Variants in CADPS2 observed in about 807,000 individuals in gnomAD.
CADPS2 encodes calcium dependent secretion activator 2.
CADPS2 carries 93 observed loss-of-function variants against 172.5 expected under a neutral mutation model. That is an observed-to-expected ratio of 0.54 (90% CI 0.46 to 0.64). The LOEUF (loss-of-function observed/expected upper bound fraction) is 0.64. Among genes scored for constraint, CADPS2 ranks in the 30% least tolerant of loss-of-function variants. The probability of loss-of-function intolerance (pLI) is 0.00; values close to 1 mark genes in which losing one functional copy is unlikely to be tolerated. For synonymous variants in CADPS2, 546 were observed against 555.2 expected (o/e 0.98, Z 0.23); for missense variants, 1,420 against 1,565.9 (o/e 0.91, Z 1.57).
intron 1 of CADPS2, among the ~76,000 whole-genome samples, chr7:122,849,415 A>G (rs1025412970): frequency 6.6e-6 from 1 of 152,170 alleles, no homozygotes; most frequent in Non-Finnish European, 1.5e-5. Flanking sequence ...AAGCTTGGTT[A>G]TTTGTACTCA....
intron 8 of CADPS2, among the ~76,000 whole-genome samples, chr7:122,541,940 A>G (rs2131637702): frequency 6.9e-6 from 1 of 144,246 alleles, no homozygotes; most frequent in South Asian, 2.1e-4. Context: ...GCAACAGAAG[A>G]ATATCTAAAA....
At chr7:122,866,753 A>T (rs1431979322) in intron 1 of CADPS2, among the ~76,000 whole-genome samples, 1 of 152,190 alleles carries the variant, frequency 6.6e-6, no homozygotes, top group East Asian at 1.9e-4. Context: ...GGCACTGTCT[A>T]TTCTCAGATC....
chr7:122,697,674 A>T, intron 2 of CADPS2: 1 of 811,946 alleles, frequency 1.2e-6, no homozygotes, highest in Non-Finnish European at 1.9e-6. Context: ...GTATAAAATT[A>T]CTGAAGTAAC....
At chr7:122,591,826 A>G (rs947135486) in intron 6 of CADPS2, among the ~76,000 whole-genome samples, 1 of 152,200 alleles carries the variant, frequency 6.6e-6, no homozygotes, top group African/African-American at 2.4e-5. Context: ...CACCTTATAC[A>G]AAAATTAACT....
Position 122,447,543 on chromosome 7 carries a change from A to ATTTTTTTT in CADPS2, c.2288+3823_2288+3830dup, listed in dbSNP as rs1159112244. ...CCATGTTGATTTCTTGTTTCGGGGA[A>ATTTTTTTT]TTTTTTTTTTTTTTTTTTTTTTTTT... On this transcript the variant is annotated intron_variant, in intron 15 of 29. Coordinates refer to ENST00000449022, the MANE Select transcript of CADPS2 (RefSeq NM_017954.11). Among the ~76,000 whole-genome samples the ATTTTTTTT allele has an allele frequency of 2.7e-3, 243 of 89,784 alleles. 39 individuals carry two copies. The highest frequency in any genetic ancestry group is 5.6e-3 in the South Asian group (12 of 2,132). 58.9% of individuals were successfully genotyped at this position (89,784 alleles called of 152,430 possible).
At chr7:122,689,911 G>C (rs1013063546) in intron 2 of CADPS2, among the ~76,000 whole-genome samples, 2 of 152,142 alleles carry the variant, frequency 1.3e-5, no homozygotes. Flanking sequence ...GTCAGCCAGG[G>C]GGCAGGCTTG....
chr7:122,514,713 AT>A (rs1485460582), intron 8 of CADPS2, among the ~76,000 whole-genome samples: 1 of 152,190 alleles, frequency 6.6e-6, no homozygotes, highest in Non-Finnish European at 1.5e-5. Flanking sequence ...TGTTGTTTAT[AT>A]TATTGGAAAC....
At chr7:122,718,774 A>C (rs1481900591) in intron 2 of CADPS2, among the ~76,000 whole-genome samples, 1 of 152,132 alleles carries the variant, frequency 6.6e-6, no homozygotes, top group Non-Finnish European at 1.5e-5. Flanking sequence ...TAGAGGACCA[A>C]GTTGTGAGCT....
intron 1 of CADPS2, among the ~76,000 whole-genome samples, chr7:122,769,006 A>C (rs1019508231): frequency 9.9e-5 from 15 of 152,094 alleles, no homozygotes; most frequent in African/African-American, 2.9e-4. Context: ...ATATTTCTAG[A>C]TCACAACAAG....
In CADPS2 at chr7:122,761,996, C is replaced by CAAA. The variant is rs1163039605; in HGVS notation, c.340-24931_340-24929dup. Reference sequence around the variant, plus strand: ...CTGGGTGAAAAGTGAGACTCTGCCTCAAAAAAAAAAAAAAAAAATATATAT... The same window carrying CAAA: ...CTGGGTGAAAAGTGAGACTCTGCCTCAAAAAAAAAAAAAAAAAAAAATATATAT... On this transcript the variant is annotated intron_variant, in intron 1 of 29. Coordinates refer to ENST00000449022, the MANE Select transcript of CADPS2 (RefSeq NM_017954.11). 2.8e-3 allele frequency among the ~76,000 whole-genome samples: 191 copies of CAAA among 67,516 alleles called. 3 individuals carry two copies. The highest frequency in any genetic ancestry group is 9.9e-3 in the African/African-American group (180 of 18,168). The allele number at this position is 67,516 out of a possible 152,430, so 44.3% of individuals were successfully genotyped here. A position where few individuals can be genotyped will look rare whatever the true frequency, so the allele number is the denominator to read the frequency against.
intron 3 of CADPS2, among the ~76,000 whole-genome samples, chr7:122,638,901 G>A (rs919033747): frequency 1.3e-5 from 2 of 152,188 alleles, no homozygotes; most frequent in African/African-American, 2.4e-5. Context: ...GAGAGTCCAT[G>A]TTTACTCGTC....
At chr7:122,486,265 A>T (rs2057804056) in intron 11 of CADPS2, among the ~76,000 whole-genome samples, 1 of 152,232 alleles carries the variant, frequency 6.6e-6, no homozygotes, top group Non-Finnish European at 1.5e-5. Flanking sequence ...GGAAAAGTAA[A>T]TTGAAAACCT....
At chr7:122,756,781 T>C (rs1309516995) in intron 1 of CADPS2, among the ~76,000 whole-genome samples, 1 of 151,786 alleles carries the variant, frequency 6.6e-6, no homozygotes, top group Non-Finnish European at 1.5e-5. Flanking sequence ...GCACCTGTAA[T>C]CCCAGCTACT....
intron 3 of CADPS2, among the ~76,000 whole-genome samples, chr7:122,645,461 ATGTG>A (rs1442873118): frequency 2.8e-4 from 19 of 69,046 alleles, no homozygotes; most frequent in Non-Finnish European, 4.9e-4. Flanking sequence ...ATATGTATAT[ATGTG>A]TATATATGTA....
chr7:122,717,649 C>T (rs1024937030), intron 2 of CADPS2, among the ~76,000 whole-genome samples: 15 of 152,082 alleles, frequency 9.9e-5, no homozygotes, highest in African/African-American at 2.9e-4. Flanking sequence ...CTGCAGCAAC[C>T]GAAATCTTTC....
rs148387300 is a variant in CADPS2, at chr7:122,863,970, C to T, written c.339+22029G>A. 7.1e-3 allele frequency among the ~76,000 whole-genome samples: 1,082 copies of T among 152,228 alleles called. 17 individuals carry two copies. The highest frequency in any genetic ancestry group is 0.054 in the East Asian group (281 of 5,174). On this transcript the variant is annotated intron_variant, in intron 1 of 29. Transcript: ENST00000449022. ...GCTTGAACCCAGAAGGCAGAGGTTGCAGTGAGCTGAAATCACGCCACTGCA... is the reference window on the plus strand; with the variant it reads ...GCTTGAACCCAGAAGGCAGAGGTTGTAGTGAGCTGAAATCACGCCACTGCA...
chr7:122,361,104 G>T, intron 25 of CADPS2, 91 bp from the exon 26 acceptor site: 1 of 1,074,070 alleles, frequency 9.3e-7, no homozygotes, highest in Non-Finnish European at 1.4e-6. Context: ...TTCTTCCATC[G>T]CACAAAAATT....
intron 6 of CADPS2, among the ~76,000 whole-genome samples, chr7:122,602,778 C>A (rs2072983545): frequency 6.6e-6 from 1 of 152,082 alleles, no homozygotes. Flanking sequence ...GGAACTCTTT[C>A]AGATTTCCCT....
intron 20 of CADPS2, among the ~76,000 whole-genome samples, chr7:122,395,768 CA>C (rs1007372787): frequency 2.6e-5 from 4 of 151,872 alleles, no homozygotes; most frequent in African/African-American, 9.7e-5. Context: ...TGCCTTATCT[CA>C]TTTAATCATC....
Sources: allele counts gnomAD v4.1 joint callset (sites outside exome capture counted in the v4.1 genomes callset), GRCh38; gene constraint gnomAD v4.1.1; transcripts MANE v1.5; gene names NCBI Gene and HGNC (gene_info 2026-07-23, HGNC 2026-07-21).